SMURF2: variants seen among roughly 807,000 people sequenced by gnomAD.
SMURF2 encodes E3 ubiquitin-protein ligase SMURF2.
SMURF2 carries 48 observed loss-of-function variants against 109.6 expected under a neutral mutation model. The ratio of observed to expected loss-of-function variants is 0.44; its 90% CI spans 0.35 to 0.56. The LOEUF is 0.56. Among genes scored for constraint, SMURF2 ranks in the 20% least tolerant of loss-of-function variants. The pLI, the probability that SMURF2 is intolerant of heterozygous loss-of-function variation, is 0.01. For synonymous variants in SMURF2, 288 were observed against 317.1 expected (o/e 0.91, Z 0.97); for missense variants, 575 against 909.0 (o/e 0.63, Z 4.72).
At chr17:64,572,105 A>G (rs562205784) in intron 9 of SMURF2, 149 bp from the exon 10 acceptor site, 121 of 678,428 alleles carry the variant, frequency 1.8e-4, no homozygotes, top group Non-Finnish European at 2.4e-4. Flanking sequence ...TTAATTCCCA[A>G]TGGTTTAACA....
intron 9 of SMURF2, among the ~76,000 whole-genome samples, chr17:64,575,821 C>G (rs1193032359): frequency 6.6e-6 from 1 of 151,956 alleles, no homozygotes; most frequent in African/African-American, 2.4e-5. Flanking sequence ...GTGCAACATA[C>G]AAAGTTGATT....
At chr17:64,563,796 G>C (rs1426969456) in intron 10 of SMURF2, among the ~76,000 whole-genome samples, 3 of 152,042 alleles carry the variant, frequency 2.0e-5, no homozygotes, top group African/African-American at 7.2e-5. Context: ...TTTTAAAGAG[G>C]CAGGGTCTTG....
At chr17:64,630,022 G>C (rs1188322686) in intron 1 of SMURF2, among the ~76,000 whole-genome samples, 1 of 152,130 alleles carries the variant, frequency 6.6e-6, no homozygotes, top group Non-Finnish European at 1.5e-5. Context: ...CAGATCACAA[G>C]GTCAGGAGTT....
chr17:64,612,753 A>C (rs1555689688), intron 1 of SMURF2, among the ~76,000 whole-genome samples: 4 of 151,032 alleles, frequency 2.6e-5, no homozygotes, highest in Non-Finnish European at 5.9e-5. Flanking sequence ...GTGTTTAACC[A>C]ATTCTTAAAA....
intron 1 of SMURF2, among the ~76,000 whole-genome samples, chr17:64,660,509 T>C (rs1421590135): frequency 6.6e-6 from 1 of 152,226 alleles, no homozygotes; most frequent in Non-Finnish European, 1.5e-5. Flanking sequence ...GAAAGTAATA[T>C]ATTATTTAAA....
At chr17:64,550,024 A>C (rs566338770) in intron 16 of SMURF2, among the ~76,000 whole-genome samples, 1 of 152,222 alleles carries the variant, frequency 6.6e-6, no homozygotes, top group Non-Finnish European at 1.5e-5. Flanking sequence ...GAGGAATGGC[A>C]GTTAGAAGGC....
chr17:64,645,777 T>C (rs1193479249), intron 1 of SMURF2, among the ~76,000 whole-genome samples: 2 of 152,188 alleles, frequency 1.3e-5, no homozygotes, highest in Non-Finnish European at 2.9e-5. Context: ...CAGGTGGACA[T>C]GCATCTCTTA....
At chr17:64,597,647 C>T (rs1490959314) in intron 3 of SMURF2, among the ~76,000 whole-genome samples, 1 of 151,704 alleles carries the variant, frequency 6.6e-6, no homozygotes, top group Non-Finnish European at 1.5e-5. Context: ...GTGGTGGGCA[C>T]CTGTAGTCCC....
At chr17:64,584,854 A>G (rs2144643689) in intron 6 of SMURF2, among the ~76,000 whole-genome samples, 1 of 152,302 alleles carries the variant, frequency 6.6e-6, no homozygotes, top group African/African-American at 2.4e-5. Flanking sequence ...ATGTAGGGCA[A>G]GTTTAGAACA....
intron 15 of SMURF2, among the ~76,000 whole-genome samples, chr17:64,553,757 A>C (rs879963136): frequency 3.9e-5 from 6 of 152,220 alleles, no homozygotes; most frequent in Admixed American, 2.0e-4. Context: ...TTTCTGCAGA[A>C]GAGCCCTAAA....
chr17:64,573,034 C>T (rs1555685704), intron 9 of SMURF2: 1 of 149,956 alleles, frequency 6.7e-6, no homozygotes, highest in Non-Finnish European at 1.5e-5. Context: ...TGTGTAAATA[C>T]CAAAGAAACG....
chr17:64,580,645 T>G, intron 8 of SMURF2, 144 bp downstream of exon 8: 1 of 801,164 alleles, frequency 1.2e-6, no homozygotes, highest in Non-Finnish European at 2.0e-6. Flanking sequence ...TTCAAAGACT[T>G]TTCAAAGTTG....
intron 2 of SMURF2, among the ~76,000 whole-genome samples, chr17:64,601,866 A>G (rs1555688607): frequency 6.7e-6 from 1 of 148,804 alleles, no homozygotes; most frequent in African/African-American, 2.5e-5. Flanking sequence ...GTGTGTGTGT[A>G]TATATATGTT....
chr17:64,566,370 C>CAGAAACTTTA (rs1477899338), intron 10 of SMURF2, among the ~76,000 whole-genome samples: 25 of 151,626 alleles, frequency 1.6e-4, no homozygotes, highest in East Asian at 1.5e-3. Flanking sequence ...TAATTTATGA[C>CAGAAACTTTA]AGAAACTTTA....
intron 2 of SMURF2, among the ~76,000 whole-genome samples, chr17:64,600,397 T>C (rs1257099203): frequency 6.6e-6 from 1 of 152,184 alleles, no homozygotes; most frequent in Non-Finnish European, 1.5e-5. Flanking sequence ...ATAGAGTAGA[T>C]TTCCTGTGGA....
chr17:64,568,416 G>A (rs1470873955), intron 10 of SMURF2, among the ~76,000 whole-genome samples: 2 of 152,152 alleles, frequency 1.3e-5, no homozygotes. Context: ...GAGGCAGGAG[G>A]TAAATAAAGC....
chr17:64,633,049 T>C (rs782175965), intron 1 of SMURF2, among the ~76,000 whole-genome samples: 5 of 152,292 alleles, frequency 3.3e-5, no homozygotes, highest in South Asian at 2.1e-4. Context: ...GGCAGGGAGA[T>C]AGCTTGAGCC....
chr17:64,631,316 GAGAGAGAGAGAC>G (rs1568203008), intron 1 of SMURF2, among the ~76,000 whole-genome samples: 96 of 121,896 alleles, frequency 7.9e-4, no homozygotes, highest in African/African-American at 1.9e-3. Context: ...GAGAGAGAGA[GAGAGAGAGAGAC>G]AGAGAGAGAG....
intron 1 of SMURF2, among the ~76,000 whole-genome samples, chr17:64,660,393 G>C (rs1456280214): frequency 2.0e-5 from 3 of 152,074 alleles, no homozygotes; most frequent in Non-Finnish European, 4.4e-5. Context: ...CACTGAATGA[G>C]GGGGGAGGGG....
Sources: allele counts gnomAD v4.1 joint callset (sites outside exome capture counted in the v4.1 genomes callset), GRCh38; gene constraint gnomAD v4.1.1; transcripts MANE v1.5; gene names NCBI Gene and HGNC (gene_info 2026-07-23, HGNC 2026-07-21).